EXT1: variants seen among roughly 807,000 people sequenced by gnomAD.
EXT1 encodes exostosin glycosyltransferase 1, also known as exostosin-1.
EXT1 carries 20 observed loss-of-function variants against 82.5 expected under a neutral mutation model. That is an observed-to-expected ratio of 0.24 (90% confidence interval 0.17 to 0.35). EXT1 has a LOEUF of 0.35. EXT1 is among the 10% of genes least tolerant of loss of function. EXT1 has a pLI of 1.00. For synonymous variants in EXT1, 348 were observed against 350.8 expected, an observed-to-expected ratio of 0.99 and a Z score of 0.09; for missense variants, 757 against 936.5, an observed-to-expected ratio of 0.81 and a Z score of 2.50.
At chr8:117,858,795 CAAGGCAAGGCA>C (rs1812620546) in intron 1 of EXT1, among the ~76,000 whole-genome samples, 1 of 69,444 alleles carries the variant, frequency 1.4e-5, no homozygotes, top group Non-Finnish European at 2.6e-5. Flanking sequence ...GCAGGCAAGG[CAAGGCAAGGCA>C]AGGCAGGAAG....
At chr8:118,096,925 T>G (rs1457009551) in intron 1 of EXT1, among the ~76,000 whole-genome samples, 2 of 152,184 alleles carry the variant, frequency 1.3e-5, no homozygotes, top group Non-Finnish European at 2.9e-5. Context: ...TAACATTCCC[T>G]TCGGTTAAAT....
chr8:117,858,560 TC>T (rs1014726485), intron 1 of EXT1, among the ~76,000 whole-genome samples: 2 of 151,694 alleles, frequency 1.3e-5, no homozygotes, highest in African/African-American at 4.9e-5. Flanking sequence ...TGCCTGTAGT[TC>T]CAGCTACCTT....
At chr8:118,022,710 T>C (rs1041118868) in intron 1 of EXT1, among the ~76,000 whole-genome samples, 1 of 152,120 alleles carries the variant, frequency 6.6e-6, no homozygotes, top group Non-Finnish European at 1.5e-5. Context: ...CCCAACAATG[T>C]CTATAACTGT....
chr8:117,956,654 C>T (rs1428933886), intron 1 of EXT1, among the ~76,000 whole-genome samples: 1 of 152,108 alleles, frequency 6.6e-6, no homozygotes, highest in Non-Finnish European at 1.5e-5. Context: ...ACCACATGAG[C>T]CAGGCTCCTC....
intron 1 of EXT1, among the ~76,000 whole-genome samples, chr8:117,988,721 C>T (rs1355308480): frequency 6.6e-6 from 1 of 152,106 alleles, no homozygotes; most frequent in Non-Finnish European, 1.5e-5. Context: ...AAGTCTACTC[C>T]AATGCGAAGA....
intron 8 of EXT1, among the ~76,000 whole-genome samples, chr8:117,808,575 A>G (rs1355872303): frequency 1.3e-5 from 2 of 152,190 alleles, no homozygotes; most frequent in Admixed American, 1.3e-4. Flanking sequence ...TCTTTGCCGT[A>G]TCTCTTCTGG....
In EXT1 at chr8:117,799,668, C is replaced by A. The variant is rs539757640; in HGVS notation, c.*44G>T. Reference sequence around the variant, plus strand: ...GCACTGGGAAGAGAGAGCAGCTTGACCCCCATCCCTTCTTGCTTCCCCTCC... The same window carrying A: ...GCACTGGGAAGAGAGAGCAGCTTGAACCCCATCCCTTCTTGCTTCCCCTCC... On this transcript the variant is annotated 3_prime_UTR_variant, in exon 11 of 11. Transcript: ENST00000378204. 1.2e-6 allele frequency: 2 copies of A among 1,607,424 alleles called. No individual in the cohort carries two copies. Among genetic ancestry groups the A allele is most frequent in the South Asian group, 2.2e-5 (2 of 90,844 alleles).
intron 1 of EXT1, among the ~76,000 whole-genome samples, chr8:117,887,244 G>GTT (rs1813162280): frequency 6.6e-6 from 1 of 152,078 alleles, no homozygotes; most frequent in South Asian, 2.1e-4. Context: ...TAGTATTTAC[G>GTT]TGACTCTGAG....
intron 1 of EXT1, among the ~76,000 whole-genome samples, chr8:118,061,890 T>C (rs747713542): frequency 6.6e-6 from 1 of 152,182 alleles, no homozygotes; most frequent in Admixed American, 6.5e-5. Context: ...AAAGACACTA[T>C]CTCCGTTTTA....
chr8:118,028,569 T>C lies in EXT1; in HGVS notation c.962+81516A>G, dbSNP rs957877324. 4.6e-5 allele frequency among the ~76,000 whole-genome samples: 7 copies of C among 151,922 alleles called. No individual in the cohort carries two copies. In the East Asian group the frequency reaches 1.2e-3, roughly 25 times the overall value. Reference sequence around the variant, plus strand: ...AAATTATATACATATGACTAACATATATATTATATTTATATATGAGTAGTT... The same window carrying C: ...AAATTATATACATATGACTAACATACATATTATATTTATATATGAGTAGTT... On this transcript the variant is annotated intron_variant, in intron 1 of 10. Coordinates refer to ENST00000378204, the MANE Select transcript of EXT1 (RefSeq NM_000127.3).
chr8:117,943,389 T>C (rs1378639233), intron 1 of EXT1, among the ~76,000 whole-genome samples: 1 of 152,170 alleles, frequency 6.6e-6, no homozygotes, highest in Non-Finnish European at 1.5e-5. Flanking sequence ...ATTGTAACAA[T>C]GCATATTGCA....
At chr8:118,055,607 T>C (rs776848658) in intron 1 of EXT1, among the ~76,000 whole-genome samples, 30 of 152,154 alleles carry the variant, frequency 2.0e-4, no homozygotes, top group Non-Finnish European at 3.8e-4. Context: ...CAGGGCATGG[T>C]TTTCCAGGAC....
intron 1 of EXT1, among the ~76,000 whole-genome samples, chr8:117,934,190 G>A (rs1243497990): frequency 2.0e-5 from 3 of 152,028 alleles, no homozygotes; most frequent in African/African-American, 7.3e-5. Flanking sequence ...AGCAGCACCA[G>A]GCTTGTCGGG....
At chr8:118,083,219 T>C (rs11562756) in intron 1 of EXT1, among the ~76,000 whole-genome samples, 29,439 of 152,218 alleles carry the variant, frequency 0.19, 3,065 homozygotes, top group Admixed American at 0.26. Flanking sequence ...ATTTGAAGTT[T>C]AGACTTGTGA....
chr8:118,101,116 A>G (rs896597087), intron 1 of EXT1, among the ~76,000 whole-genome samples: 1 of 152,220 alleles, frequency 6.6e-6, no homozygotes, highest in African/African-American at 2.4e-5. Flanking sequence ...TGTAGAACAC[A>G]TTAATGTTTA....
chr8:117,965,958 A>G (rs1814799547), intron 1 of EXT1, among the ~76,000 whole-genome samples: 1 of 151,942 alleles, frequency 6.6e-6, no homozygotes, highest in Non-Finnish European at 1.5e-5. Flanking sequence ...GGGCATGTCC[A>G]TGGTAAAATA....
chr8:117,884,706 C>T (rs567937919), intron 1 of EXT1, among the ~76,000 whole-genome samples: 3 of 152,164 alleles, frequency 2.0e-5, no homozygotes, highest in African/African-American at 7.2e-5. Flanking sequence ...ATCCCACTAA[C>T]ACTTAAATAT....
At chr8:118,042,678 C>T (rs541382487) in intron 1 of EXT1, among the ~76,000 whole-genome samples, 2 of 152,266 alleles carry the variant, frequency 1.3e-5, no homozygotes, top group East Asian at 3.9e-4. Context: ...TTCTCTTTGT[C>T]CTGAAATACC....
At chr8:117,902,123 T>C (rs1277706156) in intron 1 of EXT1, among the ~76,000 whole-genome samples, 1 of 152,064 alleles carries the variant, frequency 6.6e-6, no homozygotes, top group Admixed American at 6.5e-5. Flanking sequence ...CTGTCTTCCA[T>C]CTCCACATCT....
Sources: allele counts gnomAD v4.1 joint callset (sites outside exome capture counted in the v4.1 genomes callset), GRCh38; gene constraint gnomAD v4.1.1; transcripts MANE v1.5; gene names NCBI Gene and HGNC (gene_info 2026-07-23, HGNC 2026-07-21).